Variants in PRKCH observed in about 807,000 individuals in gnomAD.
PRKCH encodes the protein protein kinase C eta type.
In PRKCH, 28 loss-of-function variants were observed where a neutral mutation model predicts 82.5. The ratio of observed to expected loss-of-function variants is 0.34; its 90% CI spans 0.25 to 0.47. PRKCH has a LOEUF of 0.47. Ranked by LOEUF, PRKCH falls within the 20% of genes least tolerant of loss-of-function variation. The probability of loss-of-function intolerance (pLI) is 1.00; values close to 1 mark genes in which losing one functional copy is unlikely to be tolerated. For missense variants in PRKCH, 705 were observed against 881.8 expected, an observed-to-expected ratio of 0.80 and a Z score of 2.54; for synonymous variants, 322 against 327.4, an observed-to-expected ratio of 0.98 and a Z score of 0.18.
At chr14:61,227,918 T>A (rs1392024745) in intron 1 of PRKCH, among the ~76,000 whole-genome samples, 2 of 152,176 alleles carry the variant, frequency 1.3e-5, no homozygotes, top group Admixed American at 1.3e-4. Context: ...ATAATCGTTT[T>A]GCTAGCAATT....
chr14:61,539,063 G>A (rs74054824), intron 12 of PRKCH, among the ~76,000 whole-genome samples: 11,044 of 152,160 alleles, frequency 0.073, 1,397 homozygotes, highest in African/African-American at 0.25. Flanking sequence ...ATTGAAATCC[G>A]CCCCATCAGT....
At chr14:61,239,924 G>T (rs1225345428) in intron 1 of PRKCH, among the ~76,000 whole-genome samples, 1 of 152,174 alleles carries the variant, frequency 6.6e-6, no homozygotes, top group African/African-American at 2.4e-5. Flanking sequence ...AGCTATTACA[G>T]ATAGCAATAA....
chr14:61,334,131 C>T (rs1481963019), intron 1 of PRKCH, among the ~76,000 whole-genome samples: 1 of 152,114 alleles, frequency 6.6e-6, no homozygotes, highest in Non-Finnish European at 1.5e-5. Context: ...AGATTCTTTC[C>T]CGACTCCACC....
intron 1 of PRKCH, among the ~76,000 whole-genome samples, chr14:61,255,101 T>G (rs947730643): frequency 2.0e-5 from 3 of 152,254 alleles, no homozygotes; most frequent in Non-Finnish European, 4.4e-5. Context: ...GGATTAGGGC[T>G]GGAGTTGTGA....
At chr14:61,397,841 C>T (rs928391560) in intron 2 of PRKCH, among the ~76,000 whole-genome samples, 3 of 152,112 alleles carry the variant, frequency 2.0e-5, no homozygotes, top group African/African-American at 7.2e-5. Context: ...AGGTTTATGC[C>T]TAATGCGGGG....
chr14:61,281,194 C>A, intron 1 of PRKCH: 1 of 1,158,706 alleles, frequency 8.6e-7, no homozygotes, highest in Non-Finnish European at 1.1e-6. Context: ...GTGGGGGCCC[C>A]GCCGCGGGGC....
At chr14:61,367,206 A>C (rs534696619) in intron 1 of PRKCH, among the ~76,000 whole-genome samples, 13 of 152,212 alleles carry the variant, frequency 8.5e-5, no homozygotes, top group African/African-American at 3.1e-4. Context: ...AACTACCATC[A>C]CAGAGAAAGG....
chr14:61,263,834 T>G (rs1281987291), intron 1 of PRKCH, among the ~76,000 whole-genome samples: 2 of 150,342 alleles, frequency 1.3e-5, no homozygotes, highest in East Asian at 3.9e-4. Flanking sequence ...GAAAAGCATC[T>G]GAAGTCAGAG....
At chr14:61,265,223 G>A (rs2045087676) in intron 1 of PRKCH, among the ~76,000 whole-genome samples, 2 of 152,180 alleles carry the variant, frequency 1.3e-5, no homozygotes, top group Non-Finnish European at 2.9e-5. Context: ...GCTCATGTCT[G>A]TAATCCCAGC....
chr14:61,322,070 C>A lies in PRKCH; in HGVS notation c.-32C>A, dbSNP rs1029460802. On this transcript the variant is annotated 5_prime_UTR_variant, in exon 1 of 14. Coordinates refer to ENST00000332981, the MANE Select transcript of PRKCH (RefSeq NM_006255.5). ...CCGGTTCTCCCGCTGCGAAGCAGCGCGGCCCCCCGGGGCCGGGGCAGCGGC... is the reference window on the plus strand; with the variant it reads ...CCGGTTCTCCCGCTGCGAAGCAGCGAGGCCCCCCGGGGCCGGGGCAGCGGC... The A allele has an allele frequency of 6.6e-7, 1 of 1,507,614 alleles. No individual in the cohort carries two copies. Among genetic ancestry groups the A allele is most frequent in the East Asian group, 2.5e-5 (1 of 40,120 alleles). 93.4% of individuals were successfully genotyped at this position (1,507,614 alleles called of 1,614,324 possible). A position where few individuals can be genotyped will look rare whatever the true frequency, so the allele number is the denominator to read the frequency against.
At chr14:61,332,727 C>G (rs997070940) in intron 1 of PRKCH, among the ~76,000 whole-genome samples, 1 of 152,224 alleles carries the variant, frequency 6.6e-6, no homozygotes, top group Non-Finnish European at 1.5e-5. Context: ...AGCCTCTGTT[C>G]TCCATGCACT....
At chr14:61,454,445 G>GGT (rs1464866253) in intron 7 of PRKCH, among the ~76,000 whole-genome samples, 1 of 152,118 alleles carries the variant, frequency 6.6e-6, no homozygotes, top group Non-Finnish European at 1.5e-5. Flanking sequence ...ACTGTGGTCT[G>GGT]GTGAAAGCCT....
chr14:61,386,001 A>G (rs1243473073), intron 1 of PRKCH, among the ~76,000 whole-genome samples: 2 of 152,262 alleles, frequency 1.3e-5, no homozygotes, highest in East Asian at 1.9e-4. Context: ...GTTTCCAGCC[A>G]GAAAGATCAC....
chr14:61,528,900 A>G (rs553503605), intron 10 of PRKCH, 175 bp from the exon 11 acceptor site: 2 of 517,566 alleles, frequency 3.9e-6, no homozygotes, highest in African/African-American at 2.0e-5. Context: ...TAAATGTGTC[A>G]TCCAGATAGC....
chr14:61,456,058 A>G (rs1485303858), intron 7 of PRKCH, among the ~76,000 whole-genome samples: 1 of 152,234 alleles, frequency 6.6e-6, no homozygotes, highest in East Asian at 1.9e-4. Context: ...AGTTATCTTA[A>G]GAAACTGAAT....
chr14:61,529,372 T>C (rs2043015038), intron 11 of PRKCH, 159 bp downstream of exon 11: 1 of 760,228 alleles, frequency 1.3e-6, no homozygotes, highest in East Asian at 3.3e-5. Context: ...ATTGGGTGAA[T>C]GATGGCTGAA....
intron 1 of PRKCH, among the ~76,000 whole-genome samples, chr14:61,323,411 T>C (rs2045656704): frequency 1.3e-5 from 2 of 152,212 alleles, no homozygotes; most frequent in African/African-American, 4.8e-5. Flanking sequence ...ATGATAATTA[T>C]AATAAAGTAG....
chr14:61,223,368 A>G (rs977732079), intron 1 of PRKCH, among the ~76,000 whole-genome samples: 2 of 152,216 alleles, frequency 1.3e-5, no homozygotes, highest in Non-Finnish European at 2.9e-5. Flanking sequence ...TGGGTTTAAA[A>G]TGAAGTGACA....
chr14:61,288,559 C>G (rs560313882), intron 1 of PRKCH, among the ~76,000 whole-genome samples: 3 of 150,608 alleles, frequency 2.0e-5, no homozygotes, highest in Admixed American at 6.5e-5. Flanking sequence ...GGGCCCCTGA[C>G]TTTTTCTCTG....
Sources: allele counts gnomAD v4.1 joint callset (sites outside exome capture counted in the v4.1 genomes callset), GRCh38; gene constraint gnomAD v4.1.1; transcripts MANE v1.5; gene names NCBI Gene and HGNC (gene_info 2026-07-23, HGNC 2026-07-21).